The following IKZF2 variants were observed in gnomAD, a reference collection of about 807,000 sequenced individuals.
The protein encoded by IKZF2 is IKAROS family zinc finger 2, also known as zinc finger protein Helios.
IKZF2 carries 15 observed loss-of-function variants against 49.2 expected under a neutral mutation model. The ratio of observed to expected loss-of-function variants is 0.30; its 90% CI spans 0.20 to 0.47. The LOEUF (loss-of-function observed/expected upper bound fraction) is 0.47. Ranked by LOEUF, IKZF2 falls within the 20% of genes least tolerant of loss-of-function variation. The pLI is 1.00. For missense variants in IKZF2, 567 were observed against 664.6 expected, an observed-to-expected ratio of 0.85 and a Z score of 1.61; for synonymous variants, 227 against 221.4, an observed-to-expected ratio of 1.03 and a Z score of -0.23.
At chr2:213,099,029 C>G (rs752642113) in intron 4 of IKZF2, among the ~76,000 whole-genome samples, 44 of 152,076 alleles carry the variant, frequency 2.9e-4, no homozygotes, top group Admixed American at 9.8e-4. Context: ...CATCAATGAT[C>G]AGCAATCAAA....
chr2:213,083,067 TA>T (rs1704124122), intron 4 of IKZF2, among the ~76,000 whole-genome samples: 1 of 152,166 alleles, frequency 6.6e-6, no homozygotes, highest in South Asian at 2.1e-4. Flanking sequence ...AACCTTCAGT[TA>T]AAATGAGCCA....
chr2:213,001,983 A>C lies in IKZF2; in HGVS notation c.*5377T>G, dbSNP rs978547855. On this transcript the variant is annotated 3_prime_UTR_variant, in exon 9 of 9. Coordinates refer to ENST00000434687, the MANE Select transcript of IKZF2 (RefSeq NM_001387220.1). Reference sequence around the variant, plus strand: ...ATTTCCAGTAAATTAAAGTAAGTAAAATCTTGGTAAGTGCATAGTAGGGGA... The same window carrying C: ...ATTTCCAGTAAATTAAAGTAAGTAACATCTTGGTAAGTGCATAGTAGGGGA... 1 of 151,420 alleles carries C rather than the reference A, an allele frequency of 6.6e-6. No individual in the cohort carries two copies. Among genetic ancestry groups the C allele is most frequent in the African/African-American group, 2.4e-5 (1 of 41,354 alleles). The allele number at this position is 151,420 out of a possible 1,614,324, so 9.4% of individuals were successfully genotyped here. A position where few individuals can be genotyped will look rare whatever the true frequency, so the allele number is the denominator to read the frequency against.
chr2:213,145,463 G>A (rs1386534799), intron 4 of IKZF2, among the ~76,000 whole-genome samples: 1 of 152,028 alleles, frequency 6.6e-6, no homozygotes, highest in East Asian at 1.9e-4. Context: ...GAAAACCGGT[G>A]ATCTCAGACA....
chr2:213,149,300 G>A (rs948107077), intron 2 of IKZF2, among the ~76,000 whole-genome samples: 6 of 151,370 alleles, frequency 4.0e-5, no homozygotes. Context: ...ACTTAATACA[G>A]TCTGATTTTG....
chr2:213,111,396 C>A (rs2059698109), intron 4 of IKZF2, among the ~76,000 whole-genome samples: 1 of 152,012 alleles, frequency 6.6e-6, no homozygotes, highest in Non-Finnish European at 1.5e-5. Flanking sequence ...AAATATTACA[C>A]ATTTAAATAT....
In IKZF2 at chr2:213,056,827, G is replaced by A; in HGVS notation, c.406+6C>T. ...CAGTCATCAGGTTATTCTTTCAGCT[G>A]CTTACCAGTGTGACTCCTTTTATGT... On this transcript the variant is annotated splice_donor_region_variant and intron_variant, in intron 5 of 8. Coordinates refer to ENST00000434687, the MANE Select transcript of IKZF2 (RefSeq NM_001387220.1). The A allele has an allele frequency of 6.2e-7, 1 of 1,613,532 alleles. No homozygotes were observed. The highest frequency in any genetic ancestry group is 8.5e-7 in the Non-Finnish European group (1 of 1,179,742).
chr2:213,051,059 A>T (rs6754781), intron 5 of IKZF2, among the ~76,000 whole-genome samples: 115 of 152,160 alleles, frequency 7.6e-4, no homozygotes, highest in Middle Eastern at 3.4e-3. Flanking sequence ...CTTACATTGA[A>T]ATGTCATGTT....
chr2:213,148,502 T>C (rs2061158582), intron 3 of IKZF2, 94 bp downstream of exon 3: 2 of 841,236 alleles, frequency 2.4e-6, no homozygotes, highest in Admixed American at 4.5e-5. Flanking sequence ...GAGTACAGAA[T>C]TCTCAATAAA....
intron 4 of IKZF2, among the ~76,000 whole-genome samples, chr2:213,065,672 T>TG: frequency 6.6e-6 from 1 of 152,166 alleles, no homozygotes; most frequent in African/African-American, 2.4e-5. Flanking sequence ...TATCCTCATT[T>TG]TACAAATGAG....
At chr2:213,139,070 A>C (rs1209096081) in intron 4 of IKZF2, among the ~76,000 whole-genome samples, 1 of 152,036 alleles carries the variant, frequency 6.6e-6, no homozygotes, top group African/African-American at 2.4e-5. Flanking sequence ...GATTGTCTTC[A>C]TAAAGTTAGG....
chr2:213,068,218 T>C (rs964908704), intron 4 of IKZF2, among the ~76,000 whole-genome samples: 15 of 152,110 alleles, frequency 9.9e-5, no homozygotes, highest in Non-Finnish European at 2.1e-4. Context: ...GTAAGAGAGT[T>C]CCTTATCCAT....
chr2:213,017,329 T>C (rs183746314), intron 7 of IKZF2, among the ~76,000 whole-genome samples: 1 of 152,288 alleles, frequency 6.6e-6, no homozygotes, highest in East Asian at 1.9e-4. Context: ...GAGCTTGAGA[T>C]CTATATATTT....
intron 7 of IKZF2, chr2:213,014,879 C>T (rs972169487): frequency 6.6e-5 from 10 of 151,970 alleles, no homozygotes; most frequent in African/African-American, 2.4e-4. Context: ...TTTATTGTTG[C>T]TTTCTCCAGT....
intron 4 of IKZF2, among the ~76,000 whole-genome samples, chr2:213,089,247 G>C (rs1705021634): frequency 6.6e-6 from 1 of 152,056 alleles, no homozygotes; most frequent in Non-Finnish European, 1.5e-5. Context: ...AAGTCCAACA[G>C]GCTCTACTTA....
chr2:213,134,701 T>G (rs2060592275), intron 4 of IKZF2, among the ~76,000 whole-genome samples: 1 of 152,240 alleles, frequency 6.6e-6, no homozygotes, highest in African/African-American at 2.4e-5. Flanking sequence ...ATCTAAATGC[T>G]TATTCATTTA....
At chr2:213,048,450 T>G (rs1574624996) in intron 6 of IKZF2, among the ~76,000 whole-genome samples, 1 of 152,226 alleles carries the variant, frequency 6.6e-6, no homozygotes, top group East Asian at 1.9e-4. Flanking sequence ...ATAATTTAAC[T>G]CTGGCTAGAG....
intron 4 of IKZF2, among the ~76,000 whole-genome samples, chr2:213,064,932 G>T (rs1286734948): frequency 1.3e-5 from 2 of 151,972 alleles, no homozygotes; most frequent in African/African-American, 2.4e-5. Flanking sequence ...TCTTCTAAAT[G>T]TCTTCAAGAA....
chr2:213,109,172 G>A (rs574541709), intron 4 of IKZF2, among the ~76,000 whole-genome samples: 1 of 151,948 alleles, frequency 6.6e-6, no homozygotes. Context: ...ACTTTGAGGA[G>A]ACTTATTTTA....
intron 4 of IKZF2, among the ~76,000 whole-genome samples, chr2:213,141,844 C>T (rs192480279): frequency 2.0e-5 from 3 of 151,948 alleles, no homozygotes; most frequent in Non-Finnish European, 4.4e-5. Flanking sequence ...AGGTATCCCA[C>T]AAATATTTAT....
Sources: allele counts gnomAD v4.1 joint callset (sites outside exome capture counted in the v4.1 genomes callset), GRCh38; gene constraint gnomAD v4.1.1; transcripts MANE v1.5; gene names NCBI Gene and HGNC (gene_info 2026-07-23, HGNC 2026-07-21).